The following NCAM1 variants were observed in gnomAD, a reference collection of about 807,000 sequenced individuals.
NCAM1 encodes antigen recognized by monoclonal antibody 5.1H11.
In NCAM1, 14 loss-of-function variants were observed where a neutral mutation model predicts 109.8. The observed-to-expected ratio is 0.13, with a 90% confidence interval of 0.08 to 0.20. The LOEUF is 0.20. Among genes scored for constraint, NCAM1 ranks in the 10% least tolerant of loss-of-function variants. The probability of loss-of-function intolerance (pLI) is 1.00; values close to 1 mark genes in which losing one functional copy is unlikely to be tolerated. For missense variants in NCAM1, 774 were observed against 1,109.9 expected (o/e 0.70, Z 4.30); for synonymous variants, 418 against 442.9 (o/e 0.94, Z 0.70).
At chr11:113,141,034 A>G (rs1300862904) in intron 1 of NCAM1, among the ~76,000 whole-genome samples, 1 of 152,186 alleles carries the variant, frequency 6.6e-6, no homozygotes, top group Non-Finnish European at 1.5e-5. Flanking sequence ...TTATGCTTTC[A>G]TTATTAGTAT....
chr11:113,215,425 T>C (rs1944498953), intron 8 of NCAM1, among the ~76,000 whole-genome samples: 1 of 152,186 alleles, frequency 6.6e-6, no homozygotes, highest in Non-Finnish European at 1.5e-5. Flanking sequence ...TTATGGAACA[T>C]TTGTAATGGA....
At position 113,123,824 on chromosome 11, in the gene NCAM1, C is replaced by T. The variant is rs181620392; in HGVS notation, c.53-78555C>T. 1.1e-3 allele frequency among the ~76,000 whole-genome samples: 161 copies of T among 152,308 alleles called. 2 individuals carry two copies. Among genetic ancestry groups the T allele is most frequent in the Non-Finnish European group, 1.3e-3 (88 of 68,012 alleles). ...CTGAGCTCCCTTGACATGCAGGCTG[C>T]CCCCTTGAGTAGGACCCTGGCAAAG... On this transcript the variant is annotated intron_variant, in intron 1 of 19. Transcript: ENST00000316851.
chr11:113,102,774 C>T lies in NCAM1; in HGVS notation c.53-99605C>T, dbSNP rs577087275. Among the ~76,000 whole-genome samples, 14 of 152,294 alleles carry T rather than the reference C, an allele frequency of 9.2e-5. No individual in the cohort carries two copies. In the South Asian group the frequency reaches 1.2e-3, roughly 14 times the overall value. On this transcript the variant is annotated intron_variant, in intron 1 of 19. Transcript: ENST00000316851. ...AAAGCTGACCATAGATTAGCAGTTC[C>T]ATGGGAATGTGAAAGGGACACCTAG...
chr11:113,179,731 C>T (rs1404198316), intron 1 of NCAM1, among the ~76,000 whole-genome samples: 1 of 152,182 alleles, frequency 6.6e-6, no homozygotes, highest in Admixed American at 6.5e-5. Context: ...GCATTTCCAG[C>T]AAACACATGG....
intron 11 of NCAM1, 104 bp downstream of exon 11, chr11:113,232,458 C>A: frequency 1.6e-6 from 2 of 1,235,812 alleles, no homozygotes; most frequent in Non-Finnish European, 2.2e-6. Context: ...CTGGCACATC[C>A]TGAGCAGGGA....
At chr11:112,994,321 A>G (rs1555071024) in intron 1 of NCAM1, among the ~76,000 whole-genome samples, 4 of 152,182 alleles carry the variant, frequency 2.6e-5, no homozygotes, top group African/African-American at 7.2e-5. Context: ...TTTAGCCTCT[A>G]TGATTCTGAT....
chr11:113,054,800 G>A (rs186226856), intron 1 of NCAM1, among the ~76,000 whole-genome samples: 34 of 152,062 alleles, frequency 2.2e-4, no homozygotes, highest in Admixed American at 5.2e-4. Context: ...GGCCCTCTCC[G>A]TGACTGCGAT....
intron 1 of NCAM1, among the ~76,000 whole-genome samples, chr11:112,998,475 G>T (rs561505152): frequency 2.0e-5 from 3 of 151,882 alleles, no homozygotes; most frequent in Admixed American, 6.6e-5. Context: ...ATAAATTATG[G>T]TGTATCCTAG....
At chr11:112,997,396 G>T (rs1327665696) in intron 1 of NCAM1, among the ~76,000 whole-genome samples, 1 of 152,092 alleles carries the variant, frequency 6.6e-6, no homozygotes, top group Admixed American at 6.6e-5. Flanking sequence ...TTGTTTTTAG[G>T]GGGTGAATTT....
rs2060544 is a variant in NCAM1 at position 113,126,918 on chromosome 11, G to C, written c.53-75461G>C. On this transcript the variant is annotated intron_variant, in intron 1 of 19. Coordinates refer to ENST00000316851, the MANE Select transcript of NCAM1 (RefSeq NM_181351.5). ...CCTAACAGTGTGCAATTTCAGACCA[G>C]CCAGACAGACCTTGGTGCAAGGGAC... Among the ~76,000 whole-genome samples the C allele has an allele frequency of 6.6e-3, 1,005 of 152,322 alleles. 7 individuals carry two copies. The highest frequency in any genetic ancestry group is 0.023 in the African/African-American group (955 of 41,574).
At chr11:113,123,551 A>G (rs753335476) in intron 1 of NCAM1, among the ~76,000 whole-genome samples, 13 of 152,106 alleles carry the variant, frequency 8.5e-5, no homozygotes, top group Non-Finnish European at 1.8e-4. Context: ...ACCACTGACC[A>G]TGGCTGCCAT....
At chr11:113,114,969 C>T (rs1180362445) in intron 1 of NCAM1, among the ~76,000 whole-genome samples, 1 of 152,178 alleles carries the variant, frequency 6.6e-6, no homozygotes, top group East Asian at 1.9e-4. Context: ...GCACCCAACT[C>T]ACCAATGTTT....
chr11:113,191,190 G>A lies in NCAM1; in HGVS notation c.53-11189G>A, dbSNP rs548981086. Among the ~76,000 whole-genome samples the A allele has an allele frequency of 1.4e-4, 21 of 152,314 alleles. No individual in the cohort carries two copies. In the South Asian group the frequency reaches 2.5e-3, roughly 18 times the overall value. On this transcript the variant is annotated intron_variant, in intron 1 of 19. Transcript: ENST00000316851. ...ACTGAGCTATAGAGACAGAAGGGAA[G>A]GGCTGCAGGTGGACATTGAGGCTGG...
chr11:113,253,674 C>G (rs1945757483), intron 15 of NCAM1, among the ~76,000 whole-genome samples: 2 of 152,140 alleles, frequency 1.3e-5, no homozygotes, highest in South Asian at 4.2e-4. Context: ...GTGGACTGAT[C>G]CCTAAAAGGG....
chr11:113,274,646 G>A lies in NCAM1; in HGVS notation c.2457-621G>A, dbSNP rs56937925. 1.4e-4 allele frequency among the ~76,000 whole-genome samples: 22 copies of A among 152,116 alleles called. No individual in the cohort carries two copies. Among genetic ancestry groups the A allele is most frequent in the Non-Finnish European group, 2.1e-4 (14 of 68,026 alleles). On this transcript the variant is annotated intron_variant, in intron 19 of 19. Transcript: ENST00000316851. The surrounding 1 kb of genome is among the most constrained non-coding windows in gnomAD (Gnocchi z 4.1). ...GCCCACTCAGCTGCCCTCAACTCTC[G>A]CATAGCCACCAGGCCCACTCTAGTA...
At chr11:113,031,168 C>T (rs1157571137) in intron 1 of NCAM1, among the ~76,000 whole-genome samples, 2 of 152,150 alleles carry the variant, frequency 1.3e-5, no homozygotes, top group Non-Finnish European at 2.9e-5. Context: ...AGACACCTTA[C>T]TTAATATTTA....
At position 113,025,778 on chromosome 11, in the gene NCAM1, CGAGAGAGAGAGA is replaced by C. The variant is rs199893109; in HGVS notation, c.52+64148_52+64159del. ...ATGAGATTGGAACGACACAGGGAGC[CGAGAGAGAGAGA>C]GAGAGAGAGAGAGAGAGAGAGAGAG... is the stretch of plus-strand genomic sequence containing the variant. On this transcript the variant is annotated intron_variant, in intron 1 of 19. Coordinates refer to ENST00000316851, the MANE Select transcript of NCAM1 (RefSeq NM_181351.5). 3.3e-3 allele frequency among the ~76,000 whole-genome samples: 391 copies of C among 118,870 alleles called. 3 individuals are homozygous for C. The highest frequency in any genetic ancestry group is 9.3e-3 in the African/African-American group (273 of 29,460). 78.0% of individuals were successfully genotyped at this position (118,870 alleles called of 152,430 possible). A position where few individuals can be genotyped will look rare whatever the true frequency, so the allele number is the denominator to read the frequency against.
chr11:113,159,223 G>A (rs925351252), intron 1 of NCAM1, among the ~76,000 whole-genome samples: 1 of 152,010 alleles, frequency 6.6e-6, no homozygotes, highest in African/African-American at 2.4e-5. Flanking sequence ...ACATTCATCT[G>A]TTTTCTCAAA....
In NCAM1 at chr11:113,024,541, G is replaced by A. The variant is rs958807913; in HGVS notation, c.52+62877G>A. ...AGCTAATGTGTGGCAAGCTTTTAGA[G>A]TATAGTCTTGTAGAAGGTTTTCTAG... On this transcript the variant is annotated intron_variant, in intron 1 of 19. Coordinates refer to ENST00000316851, the MANE Select transcript of NCAM1 (RefSeq NM_181351.5). Among the ~76,000 whole-genome samples, 71 of 152,246 alleles carry A rather than the reference G, an allele frequency of 4.7e-4. 2 individuals carry two copies. Among genetic ancestry groups the A allele is most frequent in the Admixed American group, 4.6e-3 (70 of 15,290 alleles).
Sources: allele counts gnomAD v4.1 joint callset (sites outside exome capture counted in the v4.1 genomes callset), GRCh38; gene constraint gnomAD v4.1.1; non-coding constraint Gnocchi (gnomAD v3.1); transcripts MANE v1.5; gene names NCBI Gene and HGNC (gene_info 2026-07-23, HGNC 2026-07-21).